The following SCFD2 variants were observed in gnomAD, a reference collection of about 807,000 sequenced individuals.
The protein encoded by SCFD2 is sec1 family domain containing 2.
SCFD2 carries 54 observed loss-of-function variants against 58.9 expected under a neutral mutation model. The ratio of observed to expected loss-of-function variants is 0.92; its 90% confidence interval spans 0.74 to 1.15. The LOEUF (loss-of-function observed/expected upper bound fraction) is 1.15, where lower values mean the gene tolerates loss of function less well. Ranked by LOEUF, SCFD2 falls within the 50% of genes most tolerant of loss-of-function variation. SCFD2 has a pLI of 0.00. For missense variants in SCFD2, 805 were observed against 836.6 expected (o/e 0.96, Z 0.47); for synonymous variants, 321 against 335.9 (o/e 0.96, Z 0.49).
chr4:53,300,416 G>A (rs371301717), intron 3 of SCFD2, among the ~76,000 whole-genome samples: 2 of 152,234 alleles, frequency 1.3e-5, no homozygotes, highest in East Asian at 3.9e-4. Flanking sequence ...AAATATATAT[G>A]CACCCAATAC....
intron 1 of SCFD2, among the ~76,000 whole-genome samples, chr4:53,361,607 G>A (rs1734550387): frequency 6.6e-6 from 1 of 152,098 alleles, no homozygotes; most frequent in African/African-American, 2.4e-5. Context: ...CTGTTGCCCA[G>A]GCTGTTCTTG....
intron 6 of SCFD2, among the ~76,000 whole-genome samples, chr4:52,919,983 C>G (rs1234004716): frequency 6.6e-6 from 1 of 152,184 alleles, no homozygotes; most frequent in Non-Finnish European, 1.5e-5. Flanking sequence ...ACTTAGTCAT[C>G]TTTTCCAACA....
At chr4:53,236,451 G>GATATATATATATATATAT (rs146595901) in intron 4 of SCFD2, among the ~76,000 whole-genome samples, 109 of 144,620 alleles carry the variant, frequency 7.5e-4, no homozygotes, top group African/African-American at 1.8e-3. Context: ...CATATATAAG[G>GATATATATATATATATAT]ATATATATAT....
In SCFD2 at chr4:53,352,622, GCAACCA is replaced by G; in HGVS notation, c.977_982del (p.Val326_Val327del). ...CCTGGATTGTGAAAGACAGCCTGGT[GCAACCA>G]CATTATAATTTTCCTCCTCAGTATG... On this transcript the variant is annotated inframe_deletion, in exon 2 of 9. Transcript: ENST00000401642. The G allele has an allele frequency of 6.2e-7, 1 of 1,613,566 alleles. No individual in the cohort carries two copies. The highest frequency in any genetic ancestry group is 8.5e-7 in the Non-Finnish European group (1 of 1,179,596).
At chr4:53,260,874 A>AT (rs1730809163) in intron 4 of SCFD2, among the ~76,000 whole-genome samples, 1 of 151,896 alleles carries the variant, frequency 6.6e-6, no homozygotes, top group Non-Finnish European at 1.5e-5. Context: ...TTTGTTGGCA[A>AT]TTTTTTTATT....
At chr4:53,164,690 G>C (rs1726952412) in intron 4 of SCFD2, among the ~76,000 whole-genome samples, 1 of 151,416 alleles carries the variant, frequency 6.6e-6, no homozygotes, top group African/African-American at 2.4e-5. Context: ...CACTCAGGAG[G>C]CTAAGGCAGG....
At chr4:53,175,454 G>A (rs1727300448) in intron 4 of SCFD2, among the ~76,000 whole-genome samples, 2 of 152,146 alleles carry the variant, frequency 1.3e-5, no homozygotes, top group Non-Finnish European at 1.5e-5. Context: ...AATTCAATGA[G>A]TTCATATAAC....
chr4:53,055,796 C>T (rs1282094852), intron 5 of SCFD2, among the ~76,000 whole-genome samples: 1 of 152,112 alleles, frequency 6.6e-6, no homozygotes, highest in African/African-American at 2.4e-5. Flanking sequence ...ATCTTGGGCA[C>T]AGTATATTTA....
In SCFD2 at chr4:53,365,659, G is replaced by C. The variant is rs567773734; in HGVS notation, c.283C>G (p.Arg95Gly). 6 of 1,614,210 alleles carry C rather than the reference G, an allele frequency of 3.7e-6. No individual in the cohort carries two copies. Among genetic ancestry groups the C allele is most frequent in the East Asian group, 2.2e-5 (1 of 44,876 alleles). The change falls in exon 1 of 9, where the codon CGC becomes GGC. Residue 95 changes from arginine to glycine, a missense_variant. Physicochemically the swap from Arg to Gly is moderately radical, Grantham distance 125 (BLOSUM62 -2). Transcript: ENST00000401642. This position sits in a 1 kb window ranked among gnomAD's most constrained non-coding sequence, Gnocchi z 4.3. The stretch of plus-strand genomic sequence containing the variant: ...ACCACACAATACTGGAAGTGACTGC[G>C]GCAGATGATGTCCCGTAGGATCTCC... ...TVEILRDIIC[R>G]SHFQYCVVVT... is the part of the protein sequence containing the mutation.
chr4:53,236,418 T>C (rs1457496414), intron 4 of SCFD2, among the ~76,000 whole-genome samples: 1 of 148,976 alleles, frequency 6.7e-6, no homozygotes, highest in African/African-American at 2.5e-5. Flanking sequence ...ATATGATATA[T>C]TTATTAGGAT....
In SCFD2 at chr4:53,033,051, T is replaced by G. The variant is rs192817615; in HGVS notation, c.1562-112181A>C. On this transcript the variant is annotated intron_variant, in intron 5 of 8. Coordinates refer to ENST00000401642, the MANE Select transcript of SCFD2 (RefSeq NM_152540.4). ...CACCTCATTGCACATATTCTAAAAT[T>G]GACCACATAATTGAAAGTGAAACAC... 2.3e-3 allele frequency among the ~76,000 whole-genome samples: 348 copies of G among 152,246 alleles called. 9 individuals are homozygous for G. Among genetic ancestry groups the G allele is most frequent in the Non-Finnish European group, 2.9e-4 (20 of 68,024 alleles).
chr4:53,330,687 C>A (rs1325275479), intron 2 of SCFD2, among the ~76,000 whole-genome samples: 2 of 151,912 alleles, frequency 1.3e-5, no homozygotes, highest in Non-Finnish European at 2.9e-5. Flanking sequence ...ACTGCATCAA[C>A]TAACGAGCAA....
chr4:53,100,881 A>G (rs7694536), intron 5 of SCFD2, among the ~76,000 whole-genome samples: 1 of 152,172 alleles, frequency 6.6e-6, no homozygotes, highest in Non-Finnish European at 1.5e-5. Context: ...AAATCTCATG[A>G]CTATGCAAAT....
intron 4 of SCFD2, among the ~76,000 whole-genome samples, chr4:53,249,563 A>G (rs559329343): frequency 1.1e-4 from 17 of 152,350 alleles, no homozygotes; most frequent in African/African-American, 3.8e-4. Context: ...GAGAAAGGTC[A>G]GGTTACCCAC....
At chr4:53,197,747 CAAAAAA>C (rs10717880) in intron 4 of SCFD2, among the ~76,000 whole-genome samples, 3 of 96,570 alleles carry the variant, frequency 3.1e-5, no homozygotes, top group East Asian at 2.9e-4. Flanking sequence ...TAGAAGATGG[CAAAAAA>C]AAAAAAAAAA....
At chr4:53,106,881 C>A (rs1305643903) in intron 5 of SCFD2, among the ~76,000 whole-genome samples, 1 of 152,222 alleles carries the variant, frequency 6.6e-6, no homozygotes, top group South Asian at 2.1e-4. Flanking sequence ...CAGAACACCA[C>A]AAAGATACCC....
At chr4:52,982,803 T>C (rs1320744151) in intron 5 of SCFD2, among the ~76,000 whole-genome samples, 2 of 152,210 alleles carry the variant, frequency 1.3e-5, no homozygotes, top group African/African-American at 4.8e-5. Context: ...CCTTTAAGTT[T>C]GCACATGTAG....
At chr4:52,971,899 T>G (rs1196698376) in intron 5 of SCFD2, among the ~76,000 whole-genome samples, 1 of 152,208 alleles carries the variant, frequency 6.6e-6, no homozygotes, top group Non-Finnish European at 1.5e-5. Flanking sequence ...ACCCAGAATT[T>G]CATATCCAGC....
intron 5 of SCFD2, among the ~76,000 whole-genome samples, chr4:52,961,241 T>C (rs1720846616): frequency 6.6e-6 from 1 of 152,196 alleles, no homozygotes; most frequent in African/African-American, 2.4e-5. Flanking sequence ...TTGAGACTTT[T>C]GCTGGAACCA....
Sources: allele counts gnomAD v4.1 joint callset (sites outside exome capture counted in the v4.1 genomes callset), GRCh38; gene constraint gnomAD v4.1.1; non-coding constraint Gnocchi (gnomAD v3.1); transcripts MANE v1.5; gene names NCBI Gene and HGNC (gene_info 2026-07-23, HGNC 2026-07-21).